The following TPRG1 variants were observed in gnomAD, a reference collection of about 807,000 sequenced individuals.
TPRG1 encodes the protein tumor protein p63 regulated 1, also known as tumor protein p63-regulated gene 1 protein.
A neutral mutation model predicts 29.3 loss-of-function variants in TPRG1; 29 were observed. That is an observed-to-expected ratio of 0.99 (90% CI 0.74 to 1.35). The LOEUF (loss-of-function observed/expected upper bound fraction) is 1.35, where lower values mean the gene tolerates loss of function less well. Among genes scored for constraint, TPRG1 ranks in the 40% most tolerant of loss-of-function variants. The pLI is 0.00. For synonymous variants in TPRG1, 130 were observed against 116.8 expected, an observed-to-expected ratio of 1.11 and a Z score of -0.73; for missense variants, 327 against 335.0, an observed-to-expected ratio of 0.98 and a Z score of 0.19.
chr3:189,179,454 T>C (rs1199431546), intron 1 of TPRG1, among the ~76,000 whole-genome samples: 2 of 152,174 alleles, frequency 1.3e-5, no homozygotes, highest in Non-Finnish European at 2.9e-5. Flanking sequence ...GTGTCTCTAG[T>C]GGTTTGCCTT....
chr3:189,192,910 C>T (rs560401503), intron 1 of TPRG1, among the ~76,000 whole-genome samples: 1 of 152,152 alleles, frequency 6.6e-6, no homozygotes, highest in East Asian at 1.9e-4. Context: ...CTGGGAAATA[C>T]TTTATTTTCA....
At chr3:189,098,191 A>G (rs1291971800), upstream of TPRG1, among the ~76,000 whole-genome samples, 1 of 152,052 alleles carries the variant, frequency 6.6e-6, no homozygotes, top group Non-Finnish European at 1.5e-5. Flanking sequence ...GGAAAGTACT[A>G]GAGGAAACAA....
chr3:189,205,632 C>T (rs1734207907), intron 1 of TPRG1, among the ~76,000 whole-genome samples: 1 of 152,172 alleles, frequency 6.6e-6, no homozygotes, highest in African/African-American at 2.4e-5. Flanking sequence ...AAGGAGGTGA[C>T]TCCGAGAATA....
intron 4 of TPRG1, among the ~76,000 whole-genome samples, chr3:189,299,702 G>T (rs1720535462): frequency 1.3e-5 from 2 of 151,356 alleles, no homozygotes; most frequent in African/African-American, 4.9e-5. Context: ...CTGCAAAATG[G>T]ATATCATGGG....
chr3:189,266,658 G>T (rs1714146021), intron 4 of TPRG1, among the ~76,000 whole-genome samples: 1 of 152,040 alleles, frequency 6.6e-6, no homozygotes, highest in Non-Finnish European at 1.5e-5. Flanking sequence ...GTATAAGATG[G>T]GATGACTCTG....
chr3:189,056,029 C>G (rs1715652938), intron 4 of TPRG1, among the ~76,000 whole-genome samples: 1 of 106,236 alleles, frequency 9.4e-6, no homozygotes, highest in African/African-American at 4.3e-5. Context: ...CCTTCCCTCC[C>G]TCCCTTCCTT....
chr3:189,222,515 G>A (rs1210725198), intron 3 of TPRG1, among the ~76,000 whole-genome samples: 1 of 152,130 alleles, frequency 6.6e-6, no homozygotes, highest in East Asian at 1.9e-4. Context: ...CCTGAATTCA[G>A]CAGCACCAGC....
At chr3:189,244,184 C>T (rs1251721752) in intron 4 of TPRG1, among the ~76,000 whole-genome samples, 1 of 152,136 alleles carries the variant, frequency 6.6e-6, no homozygotes, top group Admixed American at 6.5e-5. Context: ...AATCCCAGCA[C>T]TTTGGGAGGC....
intron 4 of TPRG1, among the ~76,000 whole-genome samples, chr3:189,072,908 C>T (rs58312166): frequency 0.027 from 4,120 of 152,258 alleles, 179 homozygotes; most frequent in African/African-American, 0.092. Context: ...TCCCAGATAT[C>T]AAAGTGGGAG....
At chr3:189,078,051 CCT>C (rs1717304743) in intron 4 of TPRG1, among the ~76,000 whole-genome samples, 2 of 149,462 alleles carry the variant, frequency 1.3e-5, no homozygotes, top group African/African-American at 5.0e-5. Flanking sequence ...TTCCTTCCTT[CCT>C]TCCTTCCTTT....
chr3:189,100,386 G>T (rs1215924365), intron 1 of TPRG1, among the ~76,000 whole-genome samples: 1 of 152,190 alleles, frequency 6.6e-6, no homozygotes, highest in Non-Finnish European at 1.5e-5. Flanking sequence ...AATCATTCAA[G>T]GGTCATCTCC....
At chr3:189,258,065 TG>T (rs1020027112) in intron 4 of TPRG1, among the ~76,000 whole-genome samples, 8 of 152,214 alleles carry the variant, frequency 5.3e-5, no homozygotes, top group African/African-American at 1.9e-4. Context: ...TGTGATCCTT[TG>T]GAGGAGAAGA....
intron 5 of TPRG1, among the ~76,000 whole-genome samples, chr3:189,154,019 C>G (rs1467852339): frequency 1.3e-5 from 2 of 152,166 alleles, no homozygotes; most frequent in African/African-American, 2.4e-5. Context: ...AAAGCCAGCC[C>G]TTTGGGTAGA....
rs141968427 is a variant in TPRG1 at position 189,080,591 on chromosome 3, G to A, written c.-462-46466G>A. 1.5e-3 allele frequency among the ~76,000 whole-genome samples: 230 copies of A among 152,216 alleles called. 1 individual carries two copies. The highest frequency in any genetic ancestry group is 5.2e-3 in the African/African-American group (217 of 41,520). On this transcript the variant is annotated intron_variant, in intron 4 of 10. Transcript: ENST00000433971. ...AGAGGATGGATCTGAGAGCAAACTGGCAGTTGACCAGCATAGGTTCCTAAA... is the reference window on the plus strand; with the variant it reads ...AGAGGATGGATCTGAGAGCAAACTGACAGTTGACCAGCATAGGTTCCTAAA...
At chr3:189,278,409 G>A (rs997345352) in intron 4 of TPRG1, among the ~76,000 whole-genome samples, 3 of 152,102 alleles carry the variant, frequency 2.0e-5, no homozygotes, top group African/African-American at 4.8e-5. Context: ...GCTGGAAGCC[G>A]GTGCTGGAAA....
chr3:189,176,198 T>A (rs1328588239), intron 1 of TPRG1, among the ~76,000 whole-genome samples: 1 of 152,200 alleles, frequency 6.6e-6, no homozygotes, highest in Non-Finnish European at 1.5e-5. Context: ...TGATTGTGTG[T>A]GGGATTGGCT....
intron 4 of TPRG1, among the ~76,000 whole-genome samples, chr3:189,030,193 G>A (rs1268610949): frequency 6.6e-6 from 1 of 151,948 alleles, no homozygotes; most frequent in Non-Finnish European, 1.5e-5. Context: ...TCTAGATGTG[G>A]GCGACTTTAT....
At chr3:189,056,693 G>C (rs1319141449) in intron 4 of TPRG1, among the ~76,000 whole-genome samples, 3 of 152,122 alleles carry the variant, frequency 2.0e-5, no homozygotes, top group African/African-American at 7.2e-5. Context: ...TTTGAACATG[G>C]TAGGGGTTCA....
intron 1 of TPRG1, among the ~76,000 whole-genome samples, chr3:189,173,101 T>C (rs1201969392): frequency 2.0e-5 from 3 of 152,216 alleles, no homozygotes; most frequent in African/African-American, 7.2e-5. Flanking sequence ...GTTTACTTTT[T>C]AAGATGCTAA....
Sources: gnomAD v4.1 joint callset for allele counts (sites outside exome capture counted in the v4.1 genomes callset) on GRCh38, gnomAD v4.1.1 for gene constraint, MANE v1.5 for transcripts, NCBI Gene and HGNC (gene_info 2026-07-23, HGNC 2026-07-21) for gene names.